SBNO1: variants seen among roughly 807,000 people sequenced by gnomAD.
SBNO1 encodes the protein strawberry notch homolog 1, also known as protein strawberry notch homolog 1.
Under a neutral mutation model 173.6 loss-of-function variants are expected in SBNO1, and 23 were observed. That is an observed-to-expected ratio of 0.13 (90% CI 0.10 to 0.19). The LOEUF is 0.19. Ranked by LOEUF, SBNO1 falls within the 10% of genes least tolerant of loss-of-function variation. The probability of loss-of-function intolerance (pLI) is 1.00; values close to 1 mark genes in which losing one functional copy is unlikely to be tolerated. For missense variants in SBNO1, 1,238 were observed against 1,671.2 expected (o/e 0.74, Z 4.52); for synonymous variants, 632 against 571.5 (o/e 1.11, Z -1.51).
chr12:123,309,145 T>G (rs1438196228), intron 28 of SBNO1, among the ~76,000 whole-genome samples, 165 bp downstream of exon 28: 1 of 152,066 alleles, frequency 6.6e-6, no homozygotes, highest in Non-Finnish European at 1.5e-5. Context: ...ATGCATTAAG[T>G]AAAAACATAA....
Position 123,350,295 on chromosome 12 carries a change from T to C in SBNO1, c.132+15A>G, listed in dbSNP as rs377533395. ...CGGAAATCACTAAGAAAGAGAGGCT[T>C]TGGAAAACTCTTACCTGCTGAACTG... On this transcript the variant is annotated intron_variant, in intron 2 of 31. Transcript: ENST00000602398. The C allele has an allele frequency of 2.2e-5, 36 of 1,611,850 alleles. No homozygotes were observed. In the African/African-American group the frequency reaches 4.1e-4, roughly 19 times the overall value.
At position 123,309,707 on chromosome 12, in the gene SBNO1, T is replaced by C. The variant is rs2138916997; in HGVS notation, c.3442+3A>G. 1 of 1,610,890 alleles carries C rather than the reference T, an allele frequency of 6.2e-7. No individual in the cohort carries two copies. Among genetic ancestry groups the C allele is most frequent in the East Asian group, 2.2e-5 (1 of 44,866 alleles). ...TTGTGGGGGGGAAATTTTCCCTACT[T>C]ACCTAAGATTCCCATATCATATCTT... is the stretch of plus-strand genomic sequence containing the variant. On this transcript the variant is annotated splice_donor_region_variant and intron_variant, in intron 26 of 31. Coordinates refer to ENST00000602398, the MANE Select transcript of SBNO1 (RefSeq NM_001167856.3).
At position 123,354,195 on chromosome 12, in the gene SBNO1, T is replaced by C. The variant is rs1297234414; in HGVS notation, c.1-3754A>G. Among the ~76,000 whole-genome samples, 7 of 152,106 alleles carry C rather than the reference T, an allele frequency of 4.6e-5. No homozygotes were observed. The East Asian group carries it at 5.8e-4, about 13-fold the overall frequency. On this transcript the variant is annotated intron_variant, in intron 1 of 31. Coordinates refer to ENST00000602398, the MANE Select transcript of SBNO1 (RefSeq NM_001167856.3). ...CGGTGACCAGCTTAGAACTCACTCA[T>C]AGGAATCACAATTTGACTTAGCCAT... is the stretch of plus-strand genomic sequence containing the variant.
At chr12:123,346,609 C>T (rs944583197) in intron 3 of SBNO1, among the ~76,000 whole-genome samples, 1 of 151,334 alleles carries the variant, frequency 6.6e-6, no homozygotes, top group Non-Finnish European at 1.5e-5. Flanking sequence ...GGTTGCAGTG[C>T]GCCGAGATCG....
chr12:123,307,446 A>T (rs2048948251), intron 28 of SBNO1, among the ~76,000 whole-genome samples: 1 of 152,238 alleles, frequency 6.6e-6, no homozygotes, highest in African/African-American at 2.4e-5. Context: ...AGACCTTCAT[A>T]GAAAAAGTTT....
intron 30 of SBNO1, among the ~76,000 whole-genome samples, chr12:123,300,896 T>C (rs2048764220): frequency 6.8e-6 from 1 of 147,358 alleles, no homozygotes. Flanking sequence ...GAGATGGAGG[T>C]TGCAGTGAGC....
chr12:123,350,547 C>A, intron 1 of SBNO1, 106 bp from the exon 2 acceptor site: 1 of 905,298 alleles, frequency 1.1e-6, no homozygotes, highest in South Asian at 1.5e-5. Context: ...CCCATTCATT[C>A]AGTATTAATG....
chr12:123,315,531 A>C lies in SBNO1; in HGVS notation c.3048+17T>G. 3.8e-6 allele frequency: 6 copies of C among 1,588,518 alleles called. No homozygotes were observed. Among genetic ancestry groups the C allele is most frequent in the Non-Finnish European group, 5.2e-6 (6 of 1,156,804 alleles). ...TAGATCATCATTTACACACAGCCAC[A>C]CAACTCCAAAACTCACCAAACTCTC... On this transcript the variant is annotated intron_variant, in intron 22 of 31. Transcript: ENST00000602398.
intron 4 of SBNO1, among the ~76,000 whole-genome samples, chr12:123,343,553 T>G (rs1300469270): frequency 6.6e-6 from 1 of 151,330 alleles, no homozygotes; most frequent in African/African-American, 2.4e-5. Flanking sequence ...TTTTTTTTTT[T>G]TTTGAGATGG....
intron 30 of SBNO1, among the ~76,000 whole-genome samples, chr12:123,302,000 G>C (rs937347957): frequency 6.6e-6 from 1 of 151,912 alleles, no homozygotes; most frequent in Non-Finnish European, 1.5e-5. Flanking sequence ...GAGTGCAGTG[G>C]TGCAATCTCG....
At chr12:123,363,169 A>T (rs1875588437) in intron 1 of SBNO1, among the ~76,000 whole-genome samples, 1 of 152,178 alleles carries the variant, frequency 6.6e-6, no homozygotes, top group Non-Finnish European at 1.5e-5. Context: ...AAGCCAGAGA[A>T]AAAAAGTAAA....
intron 4 of SBNO1, among the ~76,000 whole-genome samples, chr12:123,344,179 A>G (rs905579818): frequency 2.0e-5 from 3 of 152,124 alleles, no homozygotes; most frequent in African/African-American, 7.2e-5. Context: ...TCTTCCACCA[A>G]CTGTCGACCA....
At position 123,297,400 on chromosome 12, in the gene SBNO1, C is replaced by CAA. The variant is rs59447456; in HGVS notation, c.4039+576_4039+577dup. Among the ~76,000 whole-genome samples, 49 of 31,518 alleles carry CAA rather than the reference C, an allele frequency of 1.6e-3. 2 individuals are homozygous for CAA. The highest frequency in any genetic ancestry group is 2.1e-3 in the South Asian group (1 of 466). The allele number at this position is 31,518 out of a possible 152,430, so 20.7% of individuals were successfully genotyped here. A position where few individuals can be genotyped will look rare whatever the true frequency, so the allele number is the denominator to read the frequency against. The stretch of plus-strand genomic sequence containing the variant: ...TACAACATCCCAAAATACTGGTGTC[C>CAA]AAAAAAAAAAAAAAAAAAAAAATTC... On this transcript the variant is annotated intron_variant, in intron 31 of 31. Transcript: ENST00000602398.
rs1177627337 is a variant in SBNO1, at chr12:123,290,533, C to T, written c.*5375G>A. ...CGAATTATTAAAAACGCCTCGATCC[C>T]GCTCTGCTTCTAGGCTTACGGCTGA... On this transcript the variant is annotated 3_prime_UTR_variant, in exon 32 of 32. Coordinates refer to ENST00000602398, the MANE Select transcript of SBNO1 (RefSeq NM_001167856.3). 10 of 152,116 alleles carry T rather than the reference C, an allele frequency of 6.6e-5. No individual in the cohort carries two copies. Among genetic ancestry groups the T allele is most frequent in the African/African-American group, 1.7e-4 (7 of 41,424 alleles). 9.4% of individuals were successfully genotyped at this position (152,116 alleles called of 1,614,324 possible).
At chr12:123,353,959 G>A (rs1874156115) in intron 1 of SBNO1, among the ~76,000 whole-genome samples, 1 of 152,152 alleles carries the variant, frequency 6.6e-6, no homozygotes, top group Non-Finnish European at 1.5e-5. Context: ...ATCAGTCCAT[G>A]AGCTATACAC....
chr12:123,295,897 C>T lies in SBNO1; in HGVS notation c.*11G>A. Reference sequence around the variant, plus strand: ...ATTTCAGATCCATCCATGTTGAAACCTGTCTGTTCTTCATGCGTTGCTCAA... The same window carrying T: ...ATTTCAGATCCATCCATGTTGAAACTTGTCTGTTCTTCATGCGTTGCTCAA... On this transcript the variant is annotated 3_prime_UTR_variant, in exon 32 of 32. Coordinates refer to ENST00000602398, the MANE Select transcript of SBNO1 (RefSeq NM_001167856.3). 6.2e-7 allele frequency: 1 copy of T among 1,612,266 alleles called. No homozygotes were observed. The highest frequency in any genetic ancestry group is 1.1e-5 in the South Asian group (1 of 90,798).
At chr12:123,340,582 A>C (rs1008713286) in intron 5 of SBNO1, among the ~76,000 whole-genome samples, 9 of 65,504 alleles carry the variant, frequency 1.4e-4, no homozygotes, top group African/African-American at 7.2e-4. Context: ...ACTCTGTCTC[A>C]AAAAAAAAAA....
chr12:123,333,673 T>C (rs1336406450), intron 7 of SBNO1, among the ~76,000 whole-genome samples: 18 of 151,958 alleles, frequency 1.2e-4, no homozygotes, highest in Non-Finnish European at 1.5e-5. Context: ...ATTTTTTGTA[T>C]TTTTCGTAGA....
At chr12:123,361,716 G>C (rs1401208331) in intron 1 of SBNO1, among the ~76,000 whole-genome samples, 1 of 125,742 alleles carries the variant, frequency 8.0e-6, no homozygotes. Context: ...CCTGGTGACA[G>C]AGCAAGACAG....
Sources: gnomAD v4.1 joint callset for allele counts (sites outside exome capture counted in the v4.1 genomes callset) on GRCh38, gnomAD v4.1.1 for gene constraint, MANE v1.5 for transcripts, NCBI Gene and HGNC (gene_info 2026-07-23, HGNC 2026-07-21) for gene names.